BCO2: variants seen among roughly 807,000 people sequenced by gnomAD.
BCO2 encodes beta-carotene oxygenase 2.
In BCO2, 56 loss-of-function variants were observed where a neutral mutation model predicts 65.8. The ratio of observed to expected loss-of-function variants is 0.85; its 90% CI spans 0.69 to 1.06. The LOEUF (loss-of-function observed/expected upper bound fraction) is 1.06. BCO2 is among the 50% of genes least tolerant of loss of function. The pLI is 0.00. For missense variants in BCO2, 675 were observed against 698.5 expected (o/e 0.97, Z 0.38); for synonymous variants, 233 against 242.3 (o/e 0.96, Z 0.36).
intron 9 of BCO2, 40 bp from the exon 10 acceptor site, chr11:112,214,722 A>C: frequency 6.4e-7 from 1 of 1,566,762 alleles, no homozygotes; most frequent in Non-Finnish European, 8.8e-7. Context: ...GAAAATAAGA[A>C]TTAAGCAACC....
Position 112,217,858 on chromosome 11 carries a change from C to T in BCO2, c.1724C>T (p.Thr575Ile). 6.2e-7 allele frequency: 1 copy of T among 1,611,384 alleles called. No homozygotes were observed. The highest frequency in any genetic ancestry group is 1.1e-5 in the South Asian group (1 of 90,766). Residue 575 changes from threonine (T) to isoleucine (I), a missense_variant, in exon 12 of 12, where the codon ACC (threonine) becomes ATC (isoleucine). By Grantham distance (89) the Thr-to-Ile change is moderately conservative. Coordinates refer to ENST00000357685, the MANE Select transcript of BCO2 (RefSeq NM_031938.7). ...PVQMPYGFHG[T>I]FIPI is the part of the protein sequence containing the mutation. ...CAGATGCCTTATGGGTTCCATGGTA[C>T]CTTCATACCCATCTGATGGGACAAC...
At chr11:112,182,738 G>T in intron 2 of BCO2, 1 of 539,868 alleles carries the variant, frequency 1.9e-6, no homozygotes, top group East Asian at 3.1e-5. Flanking sequence ...AGAATTAGGA[G>T]ATATACCTAA....
chr11:112,214,116 T>C (rs1859589938), intron 9 of BCO2, among the ~76,000 whole-genome samples: 1 of 152,100 alleles, frequency 6.6e-6, no homozygotes, highest in Non-Finnish European at 1.5e-5. Context: ...CCATTTGAGC[T>C]TGGCATTAGC....
At chr11:112,196,169 A>G (rs957291450) in intron 5 of BCO2, among the ~76,000 whole-genome samples, 6 of 152,216 alleles carry the variant, frequency 3.9e-5, no homozygotes, top group Non-Finnish European at 5.9e-5. Flanking sequence ...TAATGTGTTT[A>G]AATTCCGTGA....
rs145556347 is a variant in BCO2, at chr11:112,181,886, T to C, written c.293+2404T>C. The C allele has an allele frequency of 1.4e-3, 1,200 of 854,370 alleles. 4 individuals are homozygous for C. The highest frequency in any genetic ancestry group is 1.9e-3 in the Non-Finnish European group (984 of 508,432). 52.9% of individuals were successfully genotyped at this position (854,370 alleles called of 1,614,324 possible). A position where few individuals can be genotyped will look rare whatever the true frequency, so the allele number is the denominator to read the frequency against. On this transcript the variant is annotated intron_variant, in intron 2 of 11. Coordinates refer to ENST00000357685, the MANE Select transcript of BCO2 (RefSeq NM_031938.7). ...GAGCTCATCTCTCTGGATCAGTGCT[T>C]GACTGTGCAAATATCCAGGGAGTCA...
intron 4 of BCO2, chr11:112,194,256 T>C (rs1033716269): frequency 4.1e-5 from 18 of 441,878 alleles, no homozygotes; most frequent in African/African-American, 3.6e-4. Flanking sequence ...CTGATCTACT[T>C]TGGCTAGTTG....
chr11:112,193,920 G>A lies in BCO2; in HGVS notation c.559G>A (p.Gly187Ser). The A allele has an allele frequency of 1.2e-6, 2 of 1,612,904 alleles. No individual in the cohort carries two copies. The highest frequency in any genetic ancestry group is 1.7e-6 in the Non-Finnish European group (2 of 1,178,978). ...NTNVNYVRYK[G>S]DYYLCTETNF... ...TAATGTCAACTATGTGCGGTACAAG[G>A]GTGATTACTACCTCTGCACTGAGAC... Residue 187 changes from glycine to serine, a missense_variant, in exon 4 of 12, where the codon GGT (glycine) becomes AGT (serine). Physicochemically the swap from Gly to Ser is moderately conservative, Grantham distance 56 (BLOSUM62 0). Transcript: ENST00000357685.
Position 112,199,783 on chromosome 11 carries a change from T to C in BCO2, c.821T>C (p.Ile274Thr). The C allele has an allele frequency of 1.2e-6, 2 of 1,614,066 alleles. No individual in the cohort carries two copies. The highest frequency in any genetic ancestry group is 1.7e-6 in the Non-Finnish European group (2 of 1,179,916). ...CATGGAGTCCAGGTGATATGTTCTA[T>C]TGCTTCTACAGAGAAAGGGAAACCT... ...TIHGVQVICS[I>T]ASTEKGKPSY... The change falls in exon 6 of 12, where the codon ATT (isoleucine) becomes ACT (threonine). Residue 274 changes from isoleucine (I) to threonine (T), a missense_variant. Coordinates refer to ENST00000357685, the MANE Select transcript of BCO2 (RefSeq NM_031938.7).
At chr11:112,194,110 G>C in intron 4 of BCO2, 116 bp downstream of exon 4, 3 of 661,080 alleles carry the variant, frequency 4.5e-6, no homozygotes, top group Non-Finnish European at 7.9e-6. Flanking sequence ...TACACAAAAA[G>C]AAAGTTATTC....
At chr11:112,212,025 G>T (rs1859525885) in intron 8 of BCO2, among the ~76,000 whole-genome samples, 1 of 148,590 alleles carries the variant, frequency 6.7e-6, no homozygotes, top group Non-Finnish European at 1.5e-5. Context: ...GGTAACTTCT[G>T]AAGCCATGGT....
chr11:112,190,595 G>A (rs1218741560), intron 2 of BCO2, among the ~76,000 whole-genome samples: 2 of 152,028 alleles, frequency 1.3e-5, no homozygotes, highest in South Asian at 2.1e-4. Context: ...AGTGGCTCAC[G>A]CCTGTAATCC....
intron 8 of BCO2, among the ~76,000 whole-genome samples, chr11:112,206,056 T>C (rs568934280): frequency 6.6e-6 from 1 of 152,360 alleles, no homozygotes; most frequent in Admixed American, 6.5e-5. Flanking sequence ...CACACAAGGC[T>C]GTCACTTCAC....
chr11:112,217,362 CTCTTT>C (rs938073956), intron 11 of BCO2, among the ~76,000 whole-genome samples: 11 of 152,030 alleles, frequency 7.2e-5, no homozygotes, highest in African/African-American at 1.9e-4. Context: ...TTCTCTCTCT[CTCTTT>C]TCTTTTCTTT....
chr11:112,213,718 A>G lies in BCO2; in HGVS notation c.1195-6A>G, dbSNP rs201435216. The G allele has an allele frequency of 2.0e-5, 33 of 1,612,340 alleles. No individual in the cohort carries two copies. Among genetic ancestry groups the G allele is most frequent in the Non-Finnish European group, 4.2e-6 (5 of 1,178,798 alleles). ...CAATTTTCATCTCTTTCTTCTTCCC[A>G]AACAGGTCCATAATTCAGCAGCCAA... On this transcript the variant is annotated splice_region_variant and splice_polypyrimidine_tract_variant and intron_variant, in intron 8 of 11. Coordinates refer to ENST00000357685, the MANE Select transcript of BCO2 (RefSeq NM_031938.7).
At chr11:112,183,395 T>A (rs1180115387) in intron 2 of BCO2, among the ~76,000 whole-genome samples, 1 of 152,226 alleles carries the variant, frequency 6.6e-6, no homozygotes, top group African/African-American at 2.4e-5. Context: ...AGAAAAGCAC[T>A]CATTTAATAG....
intron 8 of BCO2, 128 bp downstream of exon 8, chr11:112,202,318 T>C (rs969375629): frequency 3.4e-6 from 3 of 880,960 alleles, no homozygotes; most frequent in South Asian, 1.9e-5. Flanking sequence ...AGTCTTGCTG[T>C]GTCACCCAGG....
At chr11:112,205,781 A>G (rs1867850168) in intron 8 of BCO2, among the ~76,000 whole-genome samples, 1 of 151,254 alleles carries the variant, frequency 6.6e-6, no homozygotes. Flanking sequence ...ACTTTTTTGT[A>G]GAGACAGGGG....
At chr11:112,175,787 G>A in intron 1 of BCO2, 98 bp downstream of exon 1, 1 of 1,035,370 alleles carries the variant, frequency 9.7e-7, no homozygotes, top group Non-Finnish European at 1.5e-6. Context: ...GGGAGCTTCT[G>A]AAGCTTTGTG....
chr11:112,199,344 T>C (rs571494032), intron 5 of BCO2, among the ~76,000 whole-genome samples: 1 of 152,334 alleles, frequency 6.6e-6, no homozygotes, highest in African/African-American at 2.4e-5. Flanking sequence ...AGATTTTCTT[T>C]GTCCAGTCTA....
Sources: allele counts gnomAD v4.1 joint callset (sites outside exome capture counted in the v4.1 genomes callset), GRCh38; gene constraint gnomAD v4.1.1; transcripts MANE v1.5; gene names NCBI Gene and HGNC (gene_info 2026-07-23, HGNC 2026-07-21).